The following KNOP1 variants were observed in gnomAD, a reference collection of about 807,000 sequenced individuals.
KNOP1 encodes lysine rich nucleolar protein 1.
In KNOP1, 20 loss-of-function variants were observed where a neutral mutation model predicts 30.6. The observed-to-expected ratio is 0.65, with a 90% CI of 0.46 to 0.95. The LOEUF is 0.95. Among genes scored for constraint, KNOP1 ranks in the 40% least tolerant of loss-of-function variants. The pLI is 0.00. For missense variants in KNOP1, 540 were observed against 562.0 expected (o/e 0.96, Z 0.40); for synonymous variants, 204 against 210.0 (o/e 0.97, Z 0.25).
At chr16:19,707,747 C>G (rs1424732674) in intron 4 of KNOP1, among the ~76,000 whole-genome samples, 1 of 131,578 alleles carries the variant, frequency 7.6e-6, no homozygotes, top group African/African-American at 2.9e-5. Context: ...AGCACTCCCC[C>G]CACCTCCCTA....
chr16:19,711,333 G>A (rs1240018641), intron 3 of KNOP1, 39 bp downstream of exon 3: 5 of 1,600,382 alleles, frequency 3.1e-6, no homozygotes, highest in African/African-American at 1.3e-5. Context: ...AGGGTGGCAG[G>A]AGGCAGCGGG....
rs1567506736 is a variant in KNOP1, at chr16:19,706,791, C to G, written c.*119G>C. On this transcript the variant is annotated 3_prime_UTR_variant, in exon 5 of 5. Coordinates refer to ENST00000219837, the MANE Select transcript of KNOP1 (RefSeq NM_001012991.3). ...CTAAGCTTATGGGAGTTATTTATATCTTACTGCTCGAGGTCCTCACCAAGA... is the reference window on the plus strand; with the variant it reads ...CTAAGCTTATGGGAGTTATTTATATGTTACTGCTCGAGGTCCTCACCAAGA... 1 of 1,016,868 alleles carries G rather than the reference C, an allele frequency of 9.8e-7. No individual in the cohort carries two copies. Among genetic ancestry groups the G allele is most frequent in the Non-Finnish European group, 1.5e-6 (1 of 675,050 alleles). The allele number at this position is 1,016,868 out of a possible 1,614,324, so 63.0% of individuals were successfully genotyped here. A position where few individuals can be genotyped will look rare whatever the true frequency, so the allele number is the denominator to read the frequency against.
intron 1 of KNOP1, chr16:19,717,847 C>G (rs1350205164): frequency 1.9e-6 from 2 of 1,044,662 alleles, no homozygotes; most frequent in African/African-American, 3.5e-5. Context: ...CAACACCCCA[C>G]TCCCCCGGCA....
rs1308416760 is a variant in KNOP1 at position 19,706,732 on chromosome 16, A to C, written c.*178T>G. 6 of 691,068 alleles carry C rather than the reference A, an allele frequency of 8.7e-6. No individual in the cohort carries two copies. The highest frequency in any genetic ancestry group is 1.2e-5 in the Non-Finnish European group (5 of 404,944). The allele number at this position is 691,068 out of a possible 1,614,324, so 42.8% of individuals were successfully genotyped here. A position where few individuals can be genotyped will look rare whatever the true frequency, so the allele number is the denominator to read the frequency against. On this transcript the variant is annotated 3_prime_UTR_variant, in exon 5 of 5. Transcript: ENST00000219837. The stretch of plus-strand genomic sequence containing the variant: ...TGGCTTTCATTTGCACAACTGAATA[A>C]ACCATTTATGCCTAGTGTTCCATTA...
intron 1 of KNOP1, chr16:19,716,569 G>C (rs1977098657): frequency 2.0e-5 from 3 of 152,206 alleles, no homozygotes; most frequent in Admixed American, 6.5e-5. Context: ...GAGGAGTTTG[G>C]GTGGCCGTGC....
intron 1 of KNOP1, 68 bp from the exon 2 acceptor site, chr16:19,715,105 C>G: frequency 8.6e-7 from 1 of 1,169,182 alleles, no homozygotes; most frequent in South Asian, 1.6e-5. Context: ...CTAAGCATTG[C>G]CAAGAGCCAT....
Position 19,703,071 on chromosome 16 carries a change from T to C in KNOP1, c.*3839A>G, listed in dbSNP as rs1025659547. The C allele has an allele frequency of 6.6e-6, 1 of 152,110 alleles. No homozygotes were observed. Among genetic ancestry groups the C allele is most frequent in the African/African-American group, 2.4e-5 (1 of 41,366 alleles). The allele number at this position is 152,110 out of a possible 1,614,324, so 9.4% of individuals were successfully genotyped here. On this transcript the variant is annotated 3_prime_UTR_variant, in exon 5 of 5. Transcript: ENST00000219837. Reference sequence around the variant, plus strand: ...GACTTACTTACATTAGGTCTTCTATTGTTACTTTAACAAATTGCCACAATT... The same window carrying C: ...GACTTACTTACATTAGGTCTTCTATCGTTACTTTAACAAATTGCCACAATT...
Position 19,705,662 on chromosome 16 carries a change from C to T in KNOP1, c.*1248G>A. 4.9e-6 allele frequency: 1 copy of T among 206,046 alleles called. No individual in the cohort carries two copies. Among genetic ancestry groups the T allele is most frequent in the Non-Finnish European group, 9.8e-6 (1 of 101,570 alleles). The allele number at this position is 206,046 out of a possible 1,614,324, so 12.8% of individuals were successfully genotyped here. ...TGATCCCAGCTCTTGGGGGCTGAGG[C>T]AGGAGCATGAGTTGAGTCCAGGAGT... On this transcript the variant is annotated 3_prime_UTR_variant, in exon 5 of 5. Transcript: ENST00000219837.
In KNOP1 at chr16:19,717,409, G is replaced by A. The variant is rs916502016; in HGVS notation, c.-3+749C>T. On this transcript the variant is annotated intron_variant, in intron 1 of 4. Transcript: ENST00000219837. The stretch of plus-strand genomic sequence containing the variant: ...CTTCAGAATAGGGGAGCAGTCAAGA[G>A]AGCCAAGACGACTTCAGAATAGGGG... 3.0e-6 allele frequency: 3 copies of A among 985,616 alleles called. No individual in the cohort carries two copies. The Admixed American group carries it at 1.8e-4, about 61-fold the overall frequency. The allele number at this position is 985,616 out of a possible 1,614,324, so 61.1% of individuals were successfully genotyped here.
intron 1 of KNOP1, 104 bp downstream of exon 1, chr16:19,718,054 G>C (rs1977287971): frequency 3.6e-6 from 5 of 1,408,136 alleles, no homozygotes; most frequent in Non-Finnish European, 4.6e-6. Context: ...TCGGATTCAG[G>C]GATGTGGGTG....
rs1345818266 is a variant in KNOP1, at chr16:19,714,189, CCTCGATGACTGGCTG to C, written c.832_846del (p.Gln278_Glu282del). 1.2e-6 allele frequency: 2 copies of C among 1,614,092 alleles called. No homozygotes were observed. The highest frequency in any genetic ancestry group is 2.2e-5 in the South Asian group (2 of 91,076). On this transcript the variant is annotated inframe_deletion, in exon 2 of 5. Coordinates refer to ENST00000219837, the MANE Select transcript of KNOP1 (RefSeq NM_001012991.3). ...TTTTTCTTCCTTTTCAGAGCTGGCT[CCTCGATGACTGGCTG>C]CTCTACCTTCTTTTTGGACTTCATC...
Position 19,703,703 on chromosome 16 carries a change from T to A in KNOP1, c.*3207A>T, listed in dbSNP as rs1976253046. The A allele has an allele frequency of 6.6e-6, 1 of 151,986 alleles. No individual in the cohort carries two copies. The highest frequency in any genetic ancestry group is 2.4e-5 in the African/African-American group (1 of 41,364). The allele number at this position is 151,986 out of a possible 1,614,324, so 9.4% of individuals were successfully genotyped here. ...TACAAAGGATGGGAGCTCAGAGTGA[T>A]TCTCCCAAGACAAGACTGCCAGAGG... On this transcript the variant is annotated 3_prime_UTR_variant, in exon 5 of 5. Coordinates refer to ENST00000219837, the MANE Select transcript of KNOP1 (RefSeq NM_001012991.3).
intron 4 of KNOP1, among the ~76,000 whole-genome samples, chr16:19,707,454 G>A (rs1976442050): frequency 6.6e-6 from 1 of 151,984 alleles, no homozygotes; most frequent in African/African-American, 2.4e-5. Flanking sequence ...CAGCTTAGCT[G>A]GAGACAGAAA....
At chr16:19,711,181 C>A (rs184600736) in intron 3 of KNOP1, among the ~76,000 whole-genome samples, 191 bp downstream of exon 3, 1 of 152,366 alleles carries the variant, frequency 6.6e-6, no homozygotes, top group Non-Finnish European at 1.5e-5. Context: ...GCCGGAAGGG[C>A]CCCCAGCATG....
chr16:19,711,332 G>A lies in KNOP1; in HGVS notation c.987+40C>T, dbSNP rs1378358172. On this transcript the variant is annotated intron_variant, in intron 3 of 4. Coordinates refer to ENST00000219837, the MANE Select transcript of KNOP1 (RefSeq NM_001012991.3). ...AGCAAGTGAGACTCCAAGGGTGGCA[G>A]GAGGCAGCGGGAGGGGCCTGAGGAG... 3.1e-6 allele frequency: 5 copies of A among 1,597,264 alleles called. No individual in the cohort carries two copies. The African/African-American group carries it at 4.0e-5, about 13-fold the overall frequency.
intron 4 of KNOP1, among the ~76,000 whole-genome samples, chr16:19,710,063 T>A (rs1976628330): frequency 6.6e-6 from 1 of 152,122 alleles, no homozygotes; most frequent in Non-Finnish European, 1.5e-5. Flanking sequence ...TGAGAGATCT[T>A]CTCAGGCCCG....
At position 19,710,657 on chromosome 16, in the gene KNOP1, A is replaced by AGACG. The variant is rs1466857184; in HGVS notation, c.988-75_988-72dup. Reference sequence around the variant, plus strand: ...CTTTCAAGCTTAAAACCCAGGACAGAGACGGGGCTGGGGGAACGGAACGTG... The same window carrying AGACG: ...CTTTCAAGCTTAAAACCCAGGACAGAGACGGACGGGGCTGGGGGAACGGAACGTG... On this transcript the variant is annotated intron_variant, in intron 3 of 4. Coordinates refer to ENST00000219837, the MANE Select transcript of KNOP1 (RefSeq NM_001012991.3). 6 of 1,304,284 alleles carry AGACG rather than the reference A, an allele frequency of 4.6e-6. No homozygotes were observed. The Admixed American group carries it at 8.4e-5, about 18-fold the overall frequency. 80.8% of individuals were successfully genotyped at this position (1,304,284 alleles called of 1,614,324 possible).
rs1385712436 is a variant in KNOP1, at chr16:19,717,293, ATTG to A, written c.-3+862_-3+864del. ...GATAATGGGGGAGGGGGACTATTGT[ATTG>A]GCATTTAAATAAGTGGGCAGAGATA... On this transcript the variant is annotated intron_variant, in intron 1 of 4. Coordinates refer to ENST00000219837, the MANE Select transcript of KNOP1 (RefSeq NM_001012991.3). 5.2e-5 allele frequency: 51 copies of A among 984,574 alleles called. 1 individual carries two copies. In the Admixed American group the frequency reaches 7.4e-4, roughly 14 times the overall value. 61.0% of individuals were successfully genotyped at this position (984,574 alleles called of 1,614,324 possible).
Position 19,706,807 on chromosome 16 carries a change from C to T in KNOP1, c.*103G>A. ...TATTTATATCTTACTGCTCGAGGTCCTCACCAAGATCTGATTTTTTCACAA... is the reference window on the plus strand; with the variant it reads ...TATTTATATCTTACTGCTCGAGGTCTTCACCAAGATCTGATTTTTTCACAA... On this transcript the variant is annotated 3_prime_UTR_variant, in exon 5 of 5. Coordinates refer to ENST00000219837, the MANE Select transcript of KNOP1 (RefSeq NM_001012991.3). 8.0e-7 allele frequency: 1 copy of T among 1,247,480 alleles called. No individual in the cohort carries two copies. Among genetic ancestry groups the T allele is most frequent in the African/African-American group, 1.5e-5 (1 of 66,020 alleles). 77.3% of individuals were successfully genotyped at this position (1,247,480 alleles called of 1,614,324 possible). A position where few individuals can be genotyped will look rare whatever the true frequency, so the allele number is the denominator to read the frequency against.
Sources: gnomAD v4.1 joint callset for allele counts (sites outside exome capture counted in the v4.1 genomes callset) on GRCh38, gnomAD v4.1.1 for gene constraint, MANE v1.5 for transcripts, NCBI Gene and HGNC (gene_info 2026-07-23, HGNC 2026-07-21) for gene names.